LDLRAD3: variants seen among roughly 807,000 people sequenced by gnomAD.
LDLRAD3 encodes low-density lipoprotein receptor class A domain-containing protein 3.
LDLRAD3 carries 20 observed loss-of-function variants against 29.4 expected under a neutral mutation model. That is an observed-to-expected ratio of 0.68 (90% CI 0.48 to 0.99). The LOEUF (loss-of-function observed/expected upper bound fraction) is 0.99, where lower values mean the gene tolerates loss of function less well. LDLRAD3 is among the 50% of genes least tolerant of loss of function. The probability of loss-of-function intolerance (pLI) is 0.00; values close to 1 mark genes in which losing one functional copy is unlikely to be tolerated. For missense variants in LDLRAD3, 420 were observed against 454.3 expected (o/e 0.92, Z 0.69); for synonymous variants, 157 against 192.7 (o/e 0.81, Z 1.53).
chr11:36,157,751 T>G (rs891985564), intron 4 of LDLRAD3, among the ~76,000 whole-genome samples: 1 of 152,022 alleles, frequency 6.6e-6, no homozygotes, highest in Non-Finnish European at 1.5e-5. Context: ...GGGAGCGGAG[T>G]GTCTCCATTT....
At chr11:36,065,007 A>G (rs75228692) in intron 2 of LDLRAD3, among the ~76,000 whole-genome samples, 15,730 of 152,268 alleles carry the variant, frequency 0.1, 961 homozygotes, top group Admixed American at 0.15. Flanking sequence ...GTTGGGTAGC[A>G]TGTCCTGTAG....
intron 1 of LDLRAD3, among the ~76,000 whole-genome samples, chr11:35,991,922 G>C (rs1851696992): frequency 6.8e-6 from 1 of 147,202 alleles, no homozygotes; most frequent in Non-Finnish European, 1.5e-5. Context: ...GAGGCTCAGA[G>C]TTTTGGCCTC....
At chr11:35,953,058 G>C (rs1379707646) in intron 1 of LDLRAD3, among the ~76,000 whole-genome samples, 1 of 152,180 alleles carries the variant, frequency 6.6e-6, no homozygotes, top group Non-Finnish European at 1.5e-5. Context: ...AGAGCAGAGT[G>C]AACCCCAGGA....
chr11:36,118,494 T>TGA (rs1281441163), intron 4 of LDLRAD3, among the ~76,000 whole-genome samples: 6 of 114,408 alleles, frequency 5.2e-5, no homozygotes, highest in Admixed American at 1.1e-4. Context: ...AAAGTAAGAG[T>TGA]GAGTGTGTGT....
chr11:36,050,266 G>A (rs980572225), intron 2 of LDLRAD3, among the ~76,000 whole-genome samples: 3 of 152,198 alleles, frequency 2.0e-5, no homozygotes, highest in African/African-American at 7.2e-5. Context: ...GCTGGTAGCT[G>A]TATGTGTGTT....
intron 2 of LDLRAD3, among the ~76,000 whole-genome samples, chr11:36,046,948 T>C (rs747491183): frequency 5.9e-5 from 9 of 152,234 alleles, no homozygotes; most frequent in Non-Finnish European, 1.3e-4. Flanking sequence ...TCTTCTATAA[T>C]CTGATGCCTT....
At chr11:36,207,099 G>C (rs563911650) in intron 4 of LDLRAD3, among the ~76,000 whole-genome samples, 6 of 152,222 alleles carry the variant, frequency 3.9e-5, no homozygotes, top group African/African-American at 1.2e-4. Flanking sequence ...CTGTCTGCTG[G>C]AACTGTGGTC....
intron 4 of LDLRAD3, among the ~76,000 whole-genome samples, chr11:36,217,483 A>G (rs567574506): frequency 6.6e-6 from 1 of 152,352 alleles, no homozygotes; most frequent in East Asian, 1.9e-4. Flanking sequence ...GATAATAGCT[A>G]TTAATAATTC....
At chr11:35,987,515 G>A (rs1387767428) in intron 1 of LDLRAD3, among the ~76,000 whole-genome samples, 1 of 152,150 alleles carries the variant, frequency 6.6e-6, no homozygotes, top group African/African-American at 2.4e-5. Context: ...ACGGTATTTG[G>A]TTTTCTGTTC....
At chr11:35,947,677 A>G (rs1443120432) in intron 1 of LDLRAD3, among the ~76,000 whole-genome samples, 2 of 152,150 alleles carry the variant, frequency 1.3e-5, no homozygotes, top group Non-Finnish European at 2.9e-5. Context: ...GCAGGAAATC[A>G]TTGTATGGTT....
intron 1 of LDLRAD3, among the ~76,000 whole-genome samples, chr11:36,020,985 A>G (rs1368282021): frequency 6.6e-6 from 1 of 152,168 alleles, no homozygotes; most frequent in Non-Finnish European, 1.5e-5. Flanking sequence ...ATATTAATGA[A>G]AGCATCAGTT....
intron 1 of LDLRAD3, among the ~76,000 whole-genome samples, chr11:36,021,852 T>A (rs1275271803): frequency 6.6e-6 from 1 of 152,150 alleles, no homozygotes; most frequent in Non-Finnish European, 1.5e-5. Context: ...CGTCTCACTA[T>A]ATACCCCAGG....
chr11:36,130,553 G>A (rs902446185), intron 4 of LDLRAD3, among the ~76,000 whole-genome samples: 15 of 152,120 alleles, frequency 9.9e-5, no homozygotes, highest in Admixed American at 2.6e-4. Flanking sequence ...GCAAGCTGCC[G>A]CCAGTTTTAT....
At chr11:36,021,974 T>C (rs1852103295) in intron 1 of LDLRAD3, among the ~76,000 whole-genome samples, 1 of 152,176 alleles carries the variant, frequency 6.6e-6, no homozygotes, top group African/African-American at 2.4e-5. Context: ...AGGTTAATCA[T>C]GGTCTCAGCG....
At chr11:36,103,284 T>C (rs1177686489) in intron 4 of LDLRAD3, among the ~76,000 whole-genome samples, 2 of 146,826 alleles carry the variant, frequency 1.4e-5, no homozygotes, top group Non-Finnish European at 3.0e-5. Flanking sequence ...TCACCCAGGC[T>C]GGAGTGCAGT....
rs533337540 is a variant in LDLRAD3 at position 36,189,699 on chromosome 11, G to C, written c.455-37386G>C. Among the ~76,000 whole-genome samples the C allele has an allele frequency of 2.0e-5, 3 of 152,030 alleles. No individual in the cohort carries two copies. The East Asian group carries it at 5.8e-4, about 29-fold the overall frequency. ...ACCCATTAACTCGTCATTTACATTA[G>C]GTATATCTCCTAATGCTTTCCCTCC... is the stretch of plus-strand genomic sequence containing the variant. On this transcript the variant is annotated intron_variant, in intron 4 of 5. Transcript: ENST00000315571.
chr11:36,001,240 T>C (rs940395136), intron 1 of LDLRAD3: 3 of 152,230 alleles, frequency 2.0e-5, no homozygotes, highest in Non-Finnish European at 4.4e-5. Flanking sequence ...TTAGGGTACA[T>C]GTGCACAACG....
chr11:36,093,605 C>G (rs1373081461), intron 3 of LDLRAD3, among the ~76,000 whole-genome samples: 1 of 152,148 alleles, frequency 6.6e-6, no homozygotes, highest in Non-Finnish European at 1.5e-5. Flanking sequence ...GCTCCCTGCC[C>G]CGCCCAGGCC....
At chr11:36,133,511 A>C (rs1480852673) in intron 4 of LDLRAD3, among the ~76,000 whole-genome samples, 1 of 150,124 alleles carries the variant, frequency 6.7e-6, no homozygotes, top group East Asian at 1.9e-4. Flanking sequence ...GGCATGAGCC[A>C]CCATGCCCAG....
Sources: gnomAD v4.1 joint callset for allele counts (sites outside exome capture counted in the v4.1 genomes callset) on GRCh38, gnomAD v4.1.1 for gene constraint, MANE v1.5 for transcripts, NCBI Gene and HGNC (gene_info 2026-07-23, HGNC 2026-07-21) for gene names.